RELCH: variants seen among roughly 807,000 people sequenced by gnomAD.
The protein encoded by RELCH is RAB11-binding protein RELCH.
RELCH carries 41 observed loss-of-function variants against 150.3 expected under a neutral mutation model. That is an observed-to-expected ratio of 0.27 (90% CI 0.21 to 0.35). The LOEUF is 0.35. Ranked by LOEUF, RELCH falls within the 10% of genes least tolerant of loss-of-function variation. The pLI is 1.00. For missense variants in RELCH, 1,092 were observed against 1,467.8 expected, an observed-to-expected ratio of 0.74 and a Z score of 4.18; for synonymous variants, 478 against 531.8, an observed-to-expected ratio of 0.90 and a Z score of 1.39.
intron 26 of RELCH, 145 bp from the exon 27 acceptor site, chr18:62,291,398 C>T: frequency 2.0e-6 from 1 of 491,206 alleles, no homozygotes; most frequent in Non-Finnish European, 3.6e-6. Flanking sequence ...AGGATTCATG[C>T]TTGAGGGGAG....
chr18:62,299,791 T>G (rs1243219541), intron 28 of RELCH, among the ~76,000 whole-genome samples: 1 of 152,168 alleles, frequency 6.6e-6, no homozygotes, highest in Non-Finnish European at 1.5e-5. Flanking sequence ...GTAACCCAGC[T>G]TCAATTTCAT....
intron 1 of RELCH, among the ~76,000 whole-genome samples, chr18:62,205,772 C>T (rs1276933478): frequency 6.6e-6 from 1 of 152,144 alleles, no homozygotes; most frequent in Non-Finnish European, 1.5e-5. Context: ...CGCCTATAAT[C>T]CCAGCACTTT....
chr18:62,235,619 T>C (rs572713255), intron 10 of RELCH, among the ~76,000 whole-genome samples: 2 of 152,220 alleles, frequency 1.3e-5, no homozygotes, highest in East Asian at 1.9e-4. Context: ...CTTTAATTTC[T>C]TTCAGTAATA....
intron 13 of RELCH, among the ~76,000 whole-genome samples, chr18:62,257,171 T>C (rs1359363720): frequency 6.6e-6 from 1 of 152,060 alleles, no homozygotes; most frequent in African/African-American, 2.4e-5. Context: ...GCAATATTAG[T>C]ACAAGTAGGA....
At chr18:62,270,598 A>G (rs2043840222) in intron 20 of RELCH, among the ~76,000 whole-genome samples, 1 of 152,134 alleles carries the variant, frequency 6.6e-6, no homozygotes, top group South Asian at 2.1e-4. Context: ...TTTGCTCTTT[A>G]AATTCAAAGT....
chr18:62,216,248 G>A (rs1057442321), intron 2 of RELCH, among the ~76,000 whole-genome samples: 2 of 152,020 alleles, frequency 1.3e-5, no homozygotes, highest in African/African-American at 4.8e-5. Flanking sequence ...ATACAAGATA[G>A]ATAACGTTTC....
intron 18 of RELCH, among the ~76,000 whole-genome samples, 171 bp downstream of exon 18, chr18:62,265,023 T>C (rs937797765): frequency 1.3e-5 from 2 of 152,088 alleles, no homozygotes; most frequent in African/African-American, 4.8e-5. Flanking sequence ...AATATTCTTA[T>C]CTTTACTGAT....
chr18:62,250,396 A>G (rs543828469), intron 11 of RELCH, among the ~76,000 whole-genome samples: 1 of 152,320 alleles, frequency 6.6e-6, no homozygotes, highest in Admixed American at 6.5e-5. Flanking sequence ...ATTATCAAAC[A>G]TGTATGGCTT....
chr18:62,213,102 AT>A (rs897480298), intron 2 of RELCH, among the ~76,000 whole-genome samples: 4 of 152,146 alleles, frequency 2.6e-5, no homozygotes, highest in African/African-American at 9.7e-5. Flanking sequence ...TACAATTCAA[AT>A]TTTAGGATGA....
At chr18:62,215,640 A>G (rs984059750) in intron 2 of RELCH, among the ~76,000 whole-genome samples, 20 of 152,300 alleles carry the variant, frequency 1.3e-4, no homozygotes, top group African/African-American at 4.6e-4. Flanking sequence ...GAATGCTGCA[A>G]AATAGGTCAT....
At position 62,232,394 on chromosome 18, in the gene RELCH, C is replaced by T; in HGVS notation, c.1587C>T (p.His529=). 1 of 1,611,152 alleles carries T rather than the reference C, an allele frequency of 6.2e-7. No homozygotes were observed. The highest frequency in any genetic ancestry group is 1.1e-5 in the South Asian group (1 of 90,930). The change falls in exon 10 of 29, where the codon CAC becomes CAT. Residue 529 remains histidine (H), a synonymous_variant. Coordinates refer to ENST00000644646, the MANE Select transcript of RELCH (RefSeq NM_001346231.2). The stretch of plus-strand genomic sequence containing the variant: ...TAATGCTGGGACGCTGCCTGCCACA[C>T]ATTGTTCCCAATGTGCTATTGGCAA... ...VMLMLGRCLP[H]IVPNVLLAKR...
At chr18:62,246,003 A>T (rs1024718465) in intron 11 of RELCH, 2 of 152,060 alleles carry the variant, frequency 1.3e-5, no homozygotes, top group African/African-American at 4.8e-5. Context: ...ATACCTGGTG[A>T]CCCCCTCAGG....
At position 62,198,068 on chromosome 18, in the gene RELCH, A is replaced by G. The variant is rs537209055; in HGVS notation, c.526+10037A>G. ...TAAAAAATAATTAGAGTGACAAACC[A>G]TAGCACCACACTAAGTCACAGATGA... On this transcript the variant is annotated intron_variant, in intron 1 of 28. Coordinates refer to ENST00000644646, the MANE Select transcript of RELCH (RefSeq NM_001346231.2). Among the ~76,000 whole-genome samples, 451 of 152,342 alleles carry G rather than the reference A, an allele frequency of 3.0e-3. 3 individuals carry two copies. Among genetic ancestry groups the G allele is most frequent in the African/African-American group, 0.011 (439 of 41,588 alleles).
At chr18:62,248,097 C>G (rs1240423396) in intron 11 of RELCH, among the ~76,000 whole-genome samples, 3 of 152,258 alleles carry the variant, frequency 2.0e-5, no homozygotes, top group South Asian at 4.1e-4. Context: ...AACAGATTGA[C>G]AGCCTTAAAA....
At chr18:62,245,630 A>C in intron 11 of RELCH, among the ~76,000 whole-genome samples, 1 of 152,202 alleles carries the variant, frequency 6.6e-6, no homozygotes, top group Non-Finnish European at 1.5e-5. Context: ...TCCGTCTCAA[A>C]AAAAACAAAA....
Position 62,267,484 on chromosome 18 carries a change from A to ATGTG in RELCH, c.2680+767_2680+770dup, listed in dbSNP as rs36203741. 8.8e-3 allele frequency among the ~76,000 whole-genome samples: 1,191 copies of ATGTG among 135,784 alleles called. 11 individuals carry two copies. The highest frequency in any genetic ancestry group is 0.027 in the African/African-American group (1,011 of 37,306). The allele number at this position is 135,784 out of a possible 152,430, so 89.1% of individuals were successfully genotyped here. ...GAATATATATATAGTCTAGGTATAT[A>ATGTG]TGTGTGTGTGTGTGTGTGTGTGTGT... On this transcript the variant is annotated intron_variant, in intron 19 of 28. Coordinates refer to ENST00000644646, the MANE Select transcript of RELCH (RefSeq NM_001346231.2).
chr18:62,303,084 A>C (rs2045737383), intron 28 of RELCH, among the ~76,000 whole-genome samples: 1 of 151,612 alleles, frequency 6.6e-6, no homozygotes, highest in South Asian at 2.1e-4. Flanking sequence ...GGGGTGGGAG[A>C]GTGTTACAAA....
intron 1 of RELCH, among the ~76,000 whole-genome samples, chr18:62,188,856 G>A (rs1305418354): frequency 6.6e-6 from 1 of 152,176 alleles, no homozygotes; most frequent in East Asian, 1.9e-4. Flanking sequence ...GATTCCCAGT[G>A]TCTCCCTTTT....
At chr18:62,235,897 G>A (rs766484072) in intron 10 of RELCH, among the ~76,000 whole-genome samples, 21 of 151,950 alleles carry the variant, frequency 1.4e-4, no homozygotes, top group African/African-American at 3.9e-4. Flanking sequence ...TCATCTGCAC[G>A]TAGAGAGATA....
Sources: allele counts gnomAD v4.1 joint callset (sites outside exome capture counted in the v4.1 genomes callset), GRCh38; gene constraint gnomAD v4.1.1; transcripts MANE v1.5; gene names NCBI Gene and HGNC (gene_info 2026-07-23, HGNC 2026-07-21).